Variants in PCOLCE observed in about 807,000 individuals in gnomAD.
The protein encoded by PCOLCE is procollagen C-endopeptidase enhancer 1.
PCOLCE carries 33 observed loss-of-function variants against 47.2 expected under a neutral mutation model. The observed-to-expected ratio is 0.70, with a 90% CI of 0.53 to 0.93. The LOEUF (loss-of-function observed/expected upper bound fraction) is 0.93. Among genes scored for constraint, PCOLCE ranks in the 40% least tolerant of loss-of-function variants. PCOLCE has a pLI of 0.00. For missense variants in PCOLCE, 584 were observed against 585.3 expected (o/e 1.00, Z 0.02); for synonymous variants, 254 against 252.5 (o/e 1.01, Z -0.06).
Position 100,607,748 on chromosome 7 carries a change from C to T in PCOLCE, c.1124C>T (p.Pro375Leu), listed in dbSNP as rs1802742329. Reference protein sequence around the residue: ...KTGGLDLPSPPTGASLKFYVP... With the variant: ...KTGGLDLPSPLTGASLKFYVP... ...GGAGGACTGGACCTGCCTTCTCCAC[C>T]CACTGGTGCCTCCCTGAAGTTTTAC... Residue 375 changes from proline (P) to leucine (L), a missense_variant, in exon 8 of 9, where the codon CCC becomes CTC. Pro to Leu is a moderately conservative substitution (Grantham distance 98). Transcript: ENST00000223061. 6.2e-7 allele frequency: 1 copy of T among 1,613,748 alleles called. No homozygotes were observed. Among genetic ancestry groups the T allele is most frequent in the South Asian group, 1.1e-5 (1 of 91,066 alleles).
chr7:100,602,889 A>AG (rs992916036), intron 1 of PCOLCE: 1 of 371,212 alleles, frequency 2.7e-6, no homozygotes, highest in African/African-American at 2.1e-5. Context: ...GAGGGATTGT[A>AG]GGGGGAGGAG....
At chr7:100,606,361 A>G (rs1802715735) in intron 5 of PCOLCE, 55 bp from the exon 6 acceptor site, 2 of 1,266,878 alleles carry the variant, frequency 1.6e-6, no homozygotes, top group South Asian at 2.5e-5. Flanking sequence ...GGCTGAGAAG[A>G]GTGTGGTGCA....
Position 100,602,513 on chromosome 7 carries a change from G to A in PCOLCE, c.57G>A (p.Leu19=), listed in dbSNP as rs763479690. ...GGCCCCTCCTCACTGCCTGCGCCCT[G>A]CTGCCTTTTGCCCAGGGCCAGACCC... ...LLGPLLTACA[L]LPFAQGQTPN... is the part of the protein sequence containing the mutation. The change falls in exon 1 of 9, where the codon CTG becomes CTA. Residue 19 remains leucine, a synonymous_variant. Coordinates refer to ENST00000223061, the MANE Select transcript of PCOLCE (RefSeq NM_002593.4). 6.2e-7 allele frequency: 1 copy of A among 1,612,862 alleles called. No individual in the cohort carries two copies. The highest frequency in any genetic ancestry group is 2.2e-5 in the East Asian group (1 of 44,870).
At chr7:100,607,598 C>A (rs377028755) in intron 7 of PCOLCE, 39 bp from the exon 8 acceptor site, 3 of 1,608,066 alleles carry the variant, frequency 1.9e-6, no homozygotes, top group African/African-American at 2.7e-5. Flanking sequence ...CCATCTGGAA[C>A]CTCCCATCTC....
chr7:100,605,556 AG>A lies in PCOLCE; in HGVS notation c.589-114del. 3 of 1,256,102 alleles carry A rather than the reference AG, an allele frequency of 2.4e-6. No homozygotes were observed. Among genetic ancestry groups the A allele is most frequent in the African/African-American group, 1.5e-5 (1 of 67,120 alleles). 77.8% of individuals were successfully genotyped at this position (1,256,102 alleles called of 1,614,324 possible). ...GTGCTGTGGTGTGAACGCCTTCAGG[AG>A]GGGGGCCCAGAGGACGCGGGAGGTG... On this transcript the variant is annotated intron_variant, in intron 4 of 8. Coordinates refer to ENST00000223061, the MANE Select transcript of PCOLCE (RefSeq NM_002593.4). This position sits in a 1 kb window ranked among gnomAD's most constrained non-coding sequence, Gnocchi z 6.1.
Position 100,602,445 on chromosome 7 carries a change from T to TC in PCOLCE, c.-7dup, listed in dbSNP as rs769520914. 19 of 1,587,964 alleles carry TC rather than the reference T, an allele frequency of 1.2e-5. No homozygotes were observed. The highest frequency in any genetic ancestry group is 1.1e-4 in the East Asian group (5 of 44,752). The stretch of plus-strand genomic sequence containing the variant: ...TCTGTCTTGAGGACCCCAGCGCCTT[T>TC]CCCCCGGGGCCATGCTGCCTGCAGC... On this transcript the variant is annotated 5_prime_UTR_variant, in exon 1 of 9. Transcript: ENST00000223061.
chr7:100,604,362 C>T lies in PCOLCE; in HGVS notation c.463+145C>T. 1 of 670,286 alleles carries T rather than the reference C, an allele frequency of 1.5e-6. No homozygotes were observed. Among genetic ancestry groups the T allele is most frequent in the Non-Finnish European group, 2.5e-6 (1 of 392,444 alleles). 41.5% of individuals were successfully genotyped at this position (670,286 alleles called of 1,614,324 possible). On this transcript the variant is annotated intron_variant, in intron 3 of 8. Coordinates refer to ENST00000223061, the MANE Select transcript of PCOLCE (RefSeq NM_002593.4). This position sits in a 1 kb window ranked among gnomAD's most constrained non-coding sequence, Gnocchi z 6.4. ...TCCCTGACCCATTTTCCTCACTAACCGCCCCTTCAGTCCCTCCTCCCCGTC... is the reference window on the plus strand; with the variant it reads ...TCCCTGACCCATTTTCCTCACTAACTGCCCCTTCAGTCCCTCCTCCCCGTC...
intron 1 of PCOLCE, 82 bp from the exon 2 acceptor site, chr7:100,603,348 C>T: frequency 1.4e-6 from 1 of 712,942 alleles, no homozygotes; most frequent in East Asian, 2.8e-5. Flanking sequence ...GAGTTTCATC[C>T]TCATCACCTC....
chr7:100,605,561 G>C lies in PCOLCE; in HGVS notation c.589-115G>C. Reference sequence around the variant, plus strand: ...GTGGTGTGAACGCCTTCAGGAGGGGGGCCCAGAGGACGCGGGAGGTGGGAG... The same window carrying C: ...GTGGTGTGAACGCCTTCAGGAGGGGCGCCCAGAGGACGCGGGAGGTGGGAG... On this transcript the variant is annotated intron_variant, in intron 4 of 8. Coordinates refer to ENST00000223061, the MANE Select transcript of PCOLCE (RefSeq NM_002593.4). This position sits in a 1 kb window ranked among gnomAD's most constrained non-coding sequence, Gnocchi z 6.1. The C allele has an allele frequency of 1.5e-6, 2 of 1,300,368 alleles. No individual in the cohort carries two copies. Among genetic ancestry groups the C allele is most frequent in the African/African-American group, 1.5e-5 (1 of 68,102 alleles). 80.6% of individuals were successfully genotyped at this position (1,300,368 alleles called of 1,614,324 possible).
chr7:100,605,874 T>C lies in PCOLCE; in HGVS notation c.725+62T>C, dbSNP rs1802707327. 2.6e-6 allele frequency: 4 copies of C among 1,514,246 alleles called. No homozygotes were observed. The highest frequency in any genetic ancestry group is 2.7e-6 in the Non-Finnish European group (3 of 1,119,674). 93.8% of individuals were successfully genotyped at this position (1,514,246 alleles called of 1,614,324 possible). A position where few individuals can be genotyped will look rare whatever the true frequency, so the allele number is the denominator to read the frequency against. ...CGGCGGACCGCACGCACGCGGCTGT[T>C]TGGAGGGGCGGGGTTCAGCTAAAGG... On this transcript the variant is annotated intron_variant, in intron 5 of 8. Transcript: ENST00000223061. The surrounding 1 kb of genome is among the most constrained non-coding windows in gnomAD (Gnocchi z 6.1).
rs1802694365 is a variant in PCOLCE at position 100,605,276 on chromosome 7, CCAG to C, written c.588+65_588+67del. The C allele has an allele frequency of 2.0e-6, 3 of 1,529,526 alleles. No individual in the cohort carries two copies. Among genetic ancestry groups the C allele is most frequent in the Non-Finnish European group, 2.7e-6 (3 of 1,122,172 alleles). The allele number at this position is 1,529,526 out of a possible 1,614,324, so 94.7% of individuals were successfully genotyped here. A position where few individuals can be genotyped will look rare whatever the true frequency, so the allele number is the denominator to read the frequency against. On this transcript the variant is annotated intron_variant, in intron 4 of 8. Transcript: ENST00000223061. The surrounding 1 kb of genome is among the most constrained non-coding windows in gnomAD (Gnocchi z 6.1). ...CCAGGCGGCGCCCTCCAGCTTGCAG[CCAG>C]CAGAGATTTATTGAAGATCTGCTGT...
At position 100,605,255 on chromosome 7, in the gene PCOLCE, G is replaced by A. The variant is rs1802693767; in HGVS notation, c.588+40G>A. ...CCCCGGGCTGCCCTAGGGGACCCAG[G>A]CGGCGCCCTCCAGCTTGCAGCCAGC... On this transcript the variant is annotated intron_variant, in intron 4 of 8. Coordinates refer to ENST00000223061, the MANE Select transcript of PCOLCE (RefSeq NM_002593.4). This position sits in a 1 kb window ranked among gnomAD's most constrained non-coding sequence, Gnocchi z 6.1. 38 of 1,582,600 alleles carry A rather than the reference G, an allele frequency of 2.4e-5. No individual in the cohort carries two copies. Among genetic ancestry groups the A allele is most frequent in the Non-Finnish European group, 3.2e-5 (37 of 1,158,776 alleles).
At position 100,605,951 on chromosome 7, in the gene PCOLCE, G is replaced by A. The variant is rs966697966; in HGVS notation, c.725+139G>A. On this transcript the variant is annotated intron_variant, in intron 5 of 8. Coordinates refer to ENST00000223061, the MANE Select transcript of PCOLCE (RefSeq NM_002593.4). The surrounding 1 kb of genome is among the most constrained non-coding windows in gnomAD (Gnocchi z 6.1). ...AACCGGCGAGGGGAGCAGGTTGGAG[G>A]CCAGGCAAAGAGGAGATTTGGCCCC... 26 of 989,310 alleles carry A rather than the reference G, an allele frequency of 2.6e-5. No homozygotes were observed. Among genetic ancestry groups the A allele is most frequent in the Non-Finnish European group, 3.8e-5 (26 of 686,674 alleles). 61.3% of individuals were successfully genotyped at this position (989,310 alleles called of 1,614,324 possible).
Position 100,605,412 on chromosome 7 carries a change from G to A in PCOLCE, c.588+197G>A. On this transcript the variant is annotated intron_variant, in intron 4 of 8. Coordinates refer to ENST00000223061, the MANE Select transcript of PCOLCE (RefSeq NM_002593.4). This position sits in a 1 kb window ranked among gnomAD's most constrained non-coding sequence, Gnocchi z 6.1. ...CAACTGAGACAAGTCTCAGGAGAGC[G>A]AGGTACAGGGTCCTGGTATAACACG... 4.5e-6 allele frequency: 3 copies of A among 666,796 alleles called. No individual in the cohort carries two copies. In the South Asian group the frequency reaches 5.9e-5, roughly 13 times the overall value. The allele number at this position is 666,796 out of a possible 1,614,324, so 41.3% of individuals were successfully genotyped here.
rs773733353 is a variant in PCOLCE, at chr7:100,605,629, G to A, written c.589-47G>A. ...ACCCAGTAGGAGATGAGGTGCAGGC[G>A]CCCAGGGGTGTCCCGCCGCGCAGTC... On this transcript the variant is annotated intron_variant, in intron 4 of 8. Transcript: ENST00000223061. This position sits in a 1 kb window ranked among gnomAD's most constrained non-coding sequence, Gnocchi z 6.1. 6.5e-7 allele frequency: 1 copy of A among 1,548,618 alleles called. No individual in the cohort carries two copies. Among genetic ancestry groups the A allele is most frequent in the South Asian group, 1.2e-5 (1 of 83,582 alleles).
Position 100,602,444 on chromosome 7 carries a change from T to C in PCOLCE, c.-13T>C, listed in dbSNP as rs757796163. The C allele has an allele frequency of 1.3e-6, 2 of 1,586,966 alleles. No individual in the cohort carries two copies. Among genetic ancestry groups the C allele is most frequent in the African/African-American group, 1.3e-5 (1 of 74,408 alleles). On this transcript the variant is annotated 5_prime_UTR_variant, in exon 1 of 9. Transcript: ENST00000223061. ...CTCTGTCTTGAGGACCCCAGCGCCT[T>C]TCCCCCGGGGCCATGCTGCCTGCAG...
intron 5 of PCOLCE, 70 bp from the exon 6 acceptor site, chr7:100,606,346 C>T: frequency 9.0e-7 from 1 of 1,106,662 alleles, no homozygotes; most frequent in Non-Finnish European, 1.3e-6. Context: ...CAAAAAAGGT[C>T]ATGGGGCTGA....
Position 100,605,716 on chromosome 7 carries a change from A to T in PCOLCE, c.629A>T (p.Asp210Val), listed in dbSNP as rs569304915. Reference protein sequence around the residue: ...LTFEKFDLEPDTYCRYDSVSV... With the variant: ...LTFEKFDLEPVTYCRYDSVSV... The stretch of plus-strand genomic sequence containing the variant: ...TTCGAGAAGTTTGACCTGGAGCCGG[A>T]CACCTACTGCCGCTATGACTCGGTC... The change falls in exon 5 of 9, where the codon GAC (aspartate) becomes GTC (valine). Residue 210 changes from aspartate to valine, a missense_variant. By Grantham distance (152) the Asp-to-Val change is radical (BLOSUM62 -3). Coordinates refer to ENST00000223061, the MANE Select transcript of PCOLCE (RefSeq NM_002593.4). This position sits in a 1 kb window ranked among gnomAD's most constrained non-coding sequence, Gnocchi z 6.1. 1 of 1,578,230 alleles carries T rather than the reference A, an allele frequency of 6.3e-7. No individual in the cohort carries two copies. The highest frequency in any genetic ancestry group is 1.3e-5 in the African/African-American group (1 of 74,204).
intron 5 of PCOLCE, 59 bp from the exon 6 acceptor site, chr7:100,606,354 TGAG>T: frequency 8.3e-7 from 1 of 1,206,062 alleles, no homozygotes; most frequent in Non-Finnish European, 1.2e-6. Context: ...GTCATGGGGC[TGAG>T]AAGAGTGTGG....
Sources: allele counts gnomAD v4.1 joint callset, GRCh38; gene constraint gnomAD v4.1.1; non-coding constraint Gnocchi (gnomAD v3.1); transcripts MANE v1.5; gene names NCBI Gene and HGNC (gene_info 2026-07-23, HGNC 2026-07-21).